The following SLIT2 variants were observed in gnomAD, a reference collection of about 807,000 sequenced individuals.
SLIT2 encodes slit homolog 2 protein.
Under a neutral mutation model 185.7 loss-of-function variants are expected in SLIT2, and 41 were observed. The observed-to-expected ratio is 0.22, with a 90% confidence interval of 0.17 to 0.29. The LOEUF (loss-of-function observed/expected upper bound fraction) is 0.29. Ranked by LOEUF, SLIT2 falls within the 10% of genes least tolerant of loss-of-function variation. SLIT2 has a pLI of 1.00. For missense variants in SLIT2, 1,571 were observed against 1,909.0 expected, an observed-to-expected ratio of 0.82 and a Z score of 3.30; for synonymous variants, 693 against 680.2, an observed-to-expected ratio of 1.02 and a Z score of -0.29.
intron 4 of SLIT2, among the ~76,000 whole-genome samples, chr4:20,401,891 T>C (rs1477755916): frequency 6.6e-6 from 1 of 151,976 alleles, no homozygotes; most frequent in Non-Finnish European, 1.5e-5. Flanking sequence ...ATTATTGTTT[T>C]ATCAGAGAGC....
rs1048512321 is a variant in SLIT2 at position 20,577,783 on chromosome 4, C to T, written c.3088+8779C>T. Among the ~76,000 whole-genome samples the T allele has an allele frequency of 1.5e-4, 23 of 152,128 alleles. 1 individual carries two copies. The highest frequency in any genetic ancestry group is 4.8e-4 in the African/African-American group (20 of 41,434). ...TGTTTCTGTTTCTATAAATAAAGAA[C>T]AAATGGGAAATGTATACTTTTTAAA... is the stretch of plus-strand genomic sequence containing the variant. On this transcript the variant is annotated intron_variant, in intron 29 of 36. Coordinates refer to ENST00000504154, the MANE Select transcript of SLIT2 (RefSeq NM_004787.4).
intron 25 of SLIT2, among the ~76,000 whole-genome samples, chr4:20,551,797 G>A (rs1723780679): frequency 6.6e-6 from 1 of 152,094 alleles, no homozygotes; most frequent in Non-Finnish European, 1.5e-5. Context: ...TTACAAAATT[G>A]AGAAAGGAAT....
chr4:20,467,228 C>A (rs1043303290), intron 4 of SLIT2, among the ~76,000 whole-genome samples: 1 of 152,048 alleles, frequency 6.6e-6, no homozygotes, highest in East Asian at 1.9e-4. Context: ...ATTGTTGGGC[C>A]GGTTCTGCCA....
chr4:20,569,895 C>A (rs1725424714), intron 29 of SLIT2, among the ~76,000 whole-genome samples: 1 of 151,866 alleles, frequency 6.6e-6, no homozygotes. Context: ...GATGAAATTA[C>A]AATGCAGGTG....
At chr4:20,572,269 G>A (rs1725671786) in intron 29 of SLIT2, among the ~76,000 whole-genome samples, 1 of 152,134 alleles carries the variant, frequency 6.6e-6, no homozygotes. Flanking sequence ...GTTGTGTAAT[G>A]CATGACTGCC....
chr4:20,541,147 A>T (rs1415660582), intron 19 of SLIT2, among the ~76,000 whole-genome samples: 1 of 152,230 alleles, frequency 6.6e-6, no homozygotes, highest in Non-Finnish European at 1.5e-5. Flanking sequence ...TCTAAATGAA[A>T]TATCTATCAG....
intron 4 of SLIT2, among the ~76,000 whole-genome samples, chr4:20,386,440 TAAAC>T (rs1724942430): frequency 6.6e-6 from 1 of 152,206 alleles, no homozygotes; most frequent in African/African-American, 2.4e-5. Flanking sequence ...TGTATCTTCT[TAAAC>T]TATCTTAAAC....
chr4:20,343,856 A>C (rs977616642), intron 4 of SLIT2, among the ~76,000 whole-genome samples: 4 of 149,014 alleles, frequency 2.7e-5, no homozygotes, highest in Non-Finnish European at 5.9e-5. Flanking sequence ...TATTATTATT[A>C]GTATTATTTT....
chr4:20,301,476 A>G (rs1717030615), intron 4 of SLIT2, among the ~76,000 whole-genome samples: 1 of 152,120 alleles, frequency 6.6e-6, no homozygotes, highest in Non-Finnish European at 1.5e-5. Flanking sequence ...ACCAATGGCC[A>G]GGCATTAACG....
rs142737359 is a variant in SLIT2 at position 20,500,620 on chromosome 4, A to G, written c.914+8721A>G. Among the ~76,000 whole-genome samples, 697 of 152,308 alleles carry G rather than the reference A, an allele frequency of 4.6e-3. 5 individuals are homozygous for G. The highest frequency in any genetic ancestry group is 0.016 in the African/African-American group (663 of 41,574). On this transcript the variant is annotated intron_variant, in intron 9 of 36. Transcript: ENST00000504154. ...ATAAAAACCTTCTTTATGATAAAAA[A>G]AATTTTCAAAAATGTTAAATTATTT...
At chr4:20,309,583 A>T (rs1717889341) in intron 4 of SLIT2, among the ~76,000 whole-genome samples, 1 of 151,950 alleles carries the variant, frequency 6.6e-6, no homozygotes, top group Non-Finnish European at 1.5e-5. Context: ...CTTGTGTAAG[A>T]TCCTATTTCT....
intron 4 of SLIT2, among the ~76,000 whole-genome samples, chr4:20,424,949 A>G (rs1728439254): frequency 6.6e-6 from 1 of 152,138 alleles, no homozygotes; most frequent in Non-Finnish European, 1.5e-5. Context: ...TTTTTGGTTT[A>G]CATATTTATT....
rs1717022746 is a variant in SLIT2, at chr4:20,484,559, A to G, written c.540-1641A>G. Among the ~76,000 whole-genome samples, 1 of 152,106 alleles carries G rather than the reference A, an allele frequency of 6.6e-6. No homozygotes were observed. ...TGCATGATCTGGGTCTCTAGCTGAC[A>G]TGCCCTGTTTTACTGAAAAGTTTTT... On this transcript the variant is annotated intron_variant, in intron 6 of 36. Coordinates refer to ENST00000504154, the MANE Select transcript of SLIT2 (RefSeq NM_004787.4). The surrounding 1 kb of genome is among the most constrained non-coding windows in gnomAD (Gnocchi z 4.3).
Position 20,567,265 on chromosome 4 carries a change from C to T in SLIT2, c.2729C>T (p.Pro910Leu), listed in dbSNP as rs368566618. The part of the protein sequence containing the change: ...TPSKKFTCQG[P>L]VDVNILAKCN... ...ATATTTTTGAATTAATTTTCAGGTC[C>T]TGTGGATGTCAATATTCTAGCTAAG... is the stretch of plus-strand genomic sequence containing the variant. Residue 910 changes from proline to leucine, a missense_variant, in exon 27 of 37, where the codon CCT becomes CTT. By Grantham distance (98) the Pro-to-Leu change is moderately conservative. Around this residue, in one of 3 missense-constraint regions of SLIT2, gnomAD observed 1,202 missense variants for 1,416.4 expected, o/e 0.85. Transcript: ENST00000504154. 1 of 1,607,212 alleles carries T rather than the reference C, an allele frequency of 6.2e-7. No homozygotes were observed. Among genetic ancestry groups the T allele is most frequent in the African/African-American group, 1.3e-5 (1 of 74,400 alleles).
At chr4:20,570,194 A>T (rs1323608576) in intron 29 of SLIT2, among the ~76,000 whole-genome samples, 2 of 152,072 alleles carry the variant, frequency 1.3e-5, no homozygotes, top group African/African-American at 4.8e-5. Context: ...AAGCAGTAAT[A>T]GCATATTAAG....
At chr4:20,501,711 A>C (rs1283447623) in intron 9 of SLIT2, among the ~76,000 whole-genome samples, 1 of 152,210 alleles carries the variant, frequency 6.6e-6, no homozygotes, top group Non-Finnish European at 1.5e-5. Context: ...GAAACCATGC[A>C]TGTAGTTCCG....
rs1442877366 is a variant in SLIT2 at position 20,254,493 on chromosome 4, C to A, written c.179+499C>A. Reference sequence around the variant, plus strand: ...CGATTTTTTGTCACCCTCCTGGGGGCGAAGGTTAGGAAGAAGGGGTCATGG... The same window carrying A: ...CGATTTTTTGTCACCCTCCTGGGGGAGAAGGTTAGGAAGAAGGGGTCATGG... On this transcript the variant is annotated intron_variant, in intron 1 of 36. Coordinates refer to ENST00000504154, the MANE Select transcript of SLIT2 (RefSeq NM_004787.4). This position sits in a 1 kb window ranked among gnomAD's most constrained non-coding sequence, Gnocchi z 5.1. Among the ~76,000 whole-genome samples the A allele has an allele frequency of 6.6e-6, 1 of 151,962 alleles. No individual in the cohort carries two copies. Among genetic ancestry groups the A allele is most frequent in the Non-Finnish European group, 1.5e-5 (1 of 67,982 alleles).
intron 6 of SLIT2, among the ~76,000 whole-genome samples, chr4:20,482,765 T>C (rs954892257): frequency 6.6e-6 from 1 of 151,924 alleles, no homozygotes. Context: ...ACAATGTAAA[T>C]TTCTTCTAAA....
chr4:20,305,486 T>A (rs1232985245), intron 4 of SLIT2, among the ~76,000 whole-genome samples: 2 of 152,182 alleles, frequency 1.3e-5, no homozygotes, highest in African/African-American at 4.8e-5. Flanking sequence ...ACACAGCTTG[T>A]ATACTTGGGT....
Sources: allele counts gnomAD v4.1 joint callset (sites outside exome capture counted in the v4.1 genomes callset), GRCh38; gene constraint gnomAD v4.1.1; regional missense constraint gnomAD v4.1.1; non-coding constraint Gnocchi (gnomAD v3.1); transcripts MANE v1.5; gene names NCBI Gene and HGNC (gene_info 2026-07-23, HGNC 2026-07-21).